ADH7: variants seen among roughly 807,000 people sequenced by gnomAD.
The protein encoded by ADH7 is alcohol dehydrogenase 7 (class IV), mu or sigma polypeptide.
A neutral mutation model predicts 34.4 loss-of-function variants in ADH7; 41 were observed. That is an observed-to-expected ratio of 1.19 (90% CI 0.93 to 1.55). ADH7 has a LOEUF of 1.55. Among genes scored for constraint, ADH7 ranks in the 40% most tolerant of loss-of-function variants. The probability of loss-of-function intolerance (pLI) is 0.00; values close to 1 mark genes in which losing one functional copy is unlikely to be tolerated. For missense variants in ADH7, 540 were observed against 461.2 expected (o/e 1.17, Z -1.56); for synonymous variants, 180 against 160.9 (o/e 1.12, Z -0.90).
intron 8 of ADH7, among the ~76,000 whole-genome samples, chr4:99,414,415 A>G (rs1721473028): frequency 6.6e-6 from 1 of 152,170 alleles, no homozygotes; most frequent in Non-Finnish European, 1.5e-5. Context: ...CTCAATAATT[A>G]TTTATAGGCC....
intron 1 of ADH7, among the ~76,000 whole-genome samples, chr4:99,431,926 A>G (rs1449861908): frequency 6.6e-6 from 1 of 152,206 alleles, no homozygotes; most frequent in Non-Finnish European, 1.5e-5. Flanking sequence ...CAAAGAACAT[A>G]AAACAGGATT....
intron 8 of ADH7, 180 bp downstream of exon 8, chr4:99,415,298 T>C (rs751694651): frequency 5.9e-6 from 4 of 675,388 alleles, no homozygotes; most frequent in Non-Finnish European, 4.9e-6. Context: ...GCAGTTTTTT[T>C]TTTTTATAGT....
At chr4:99,432,436 A>G (rs1413711412) in intron 1 of ADH7, among the ~76,000 whole-genome samples, 1 of 152,106 alleles carries the variant, frequency 6.6e-6, no homozygotes, top group East Asian at 1.9e-4. Flanking sequence ...CCTATGTAGC[A>G]AACCTGCACA....
intron 1 of ADH7, among the ~76,000 whole-genome samples, chr4:99,433,888 T>G (rs1721991664): frequency 2.0e-5 from 3 of 152,168 alleles, no homozygotes; most frequent in Admixed American, 6.6e-5. Flanking sequence ...TATCTTTTAC[T>G]TTTTTAATGA....
chr4:99,412,784 AT>A lies in ADH7; in HGVS notation c.*363del, dbSNP rs1203631844. On this transcript the variant is annotated 3_prime_UTR_variant, in exon 9 of 9. Coordinates refer to ENST00000437033, the MANE Select transcript of ADH7 (RefSeq NM_000673.7). ...AAGTGAATATTACTCTAGGAGATGC[AT>A]TTACTATATCTTTATACGCTATATC... The A allele has an allele frequency of 1.7e-5, 3 of 180,844 alleles. No homozygotes were observed. The highest frequency in any genetic ancestry group is 2.3e-5 in the African/African-American group (1 of 42,566). The allele number at this position is 180,844 out of a possible 1,614,324, so 11.2% of individuals were successfully genotyped here.
At chr4:99,426,848 A>T (rs1325342936) in intron 5 of ADH7, among the ~76,000 whole-genome samples, 1 of 152,218 alleles carries the variant, frequency 6.6e-6, no homozygotes, top group Non-Finnish European at 1.5e-5. Context: ...AGCACATCAA[A>T]AAGCTTATCC....
rs1428668432 is a variant in ADH7, at chr4:99,413,085, G to A, written c.*63C>T. The A allele has an allele frequency of 3.2e-6, 5 of 1,540,682 alleles. No individual in the cohort carries two copies. The highest frequency in any genetic ancestry group is 2.7e-5 in the African/African-American group (2 of 72,920). On this transcript the variant is annotated 3_prime_UTR_variant, in exon 9 of 9. Transcript: ENST00000437033. ...AGACAGATACATGATTTCAGATGAG[G>A]GAACTCTCACAAGAGAAACTCCAGT...
chr4:99,434,275 T>A lies in ADH7; in HGVS notation c.18+941A>T, dbSNP rs181155538. On this transcript the variant is annotated intron_variant, in intron 1 of 8. Transcript: ENST00000437033. Reference sequence around the variant, plus strand: ...ATATCCATGGGTAGAGTTGCTAGTTTCTGTAGTGCAAAATTAACTTCCCAA... The same window carrying A: ...ATATCCATGGGTAGAGTTGCTAGTTACTGTAGTGCAAAATTAACTTCCCAA... Among the ~76,000 whole-genome samples the A allele has an allele frequency of 1.6e-3, 249 of 152,274 alleles. 2 individuals carry two copies. The highest frequency in any genetic ancestry group is 5.8e-3 in the African/African-American group (243 of 41,560).
chr4:99,433,890 T>C (rs1721991735), intron 1 of ADH7, among the ~76,000 whole-genome samples: 1 of 152,290 alleles, frequency 6.6e-6, no homozygotes, highest in African/African-American at 2.4e-5. Flanking sequence ...TCTTTTACTT[T>C]TTTAATGAAA....
chr4:99,427,649 C>A (rs1360788041), intron 5 of ADH7, 124 bp downstream of exon 5: 2 of 613,750 alleles, frequency 3.3e-6, no homozygotes, highest in East Asian at 3.4e-5. Flanking sequence ...TGTTGCTTGG[C>A]AGCCTGAATA....
Position 99,412,792 on chromosome 4 carries a change from T to A in ADH7, c.*356A>T, listed in dbSNP as rs1721436095. The A allele has an allele frequency of 5.3e-6, 1 of 188,468 alleles. No individual in the cohort carries two copies. Among genetic ancestry groups the A allele is most frequent in the African/African-American group, 2.3e-5 (1 of 42,814 alleles). 11.7% of individuals were successfully genotyped at this position (188,468 alleles called of 1,614,324 possible). A position where few individuals can be genotyped will look rare whatever the true frequency, so the allele number is the denominator to read the frequency against. ...ATTACTCTAGGAGATGCATTTACTA[T>A]ATCTTTATACGCTATATCTGTTTTG... On this transcript the variant is annotated 3_prime_UTR_variant, in exon 9 of 9. Transcript: ENST00000437033.
At chr4:99,433,443 A>G (rs1252823595) in intron 1 of ADH7, among the ~76,000 whole-genome samples, 1 of 152,188 alleles carries the variant, frequency 6.6e-6, no homozygotes, top group Non-Finnish European at 1.5e-5. Flanking sequence ...ATGTGATATT[A>G]TGATTGATTT....
At chr4:99,430,953 C>T (rs1296490473) in intron 1 of ADH7, among the ~76,000 whole-genome samples, 6 of 152,160 alleles carry the variant, frequency 3.9e-5, no homozygotes, top group East Asian at 3.9e-4. Flanking sequence ...TGTGCCACCA[C>T]GCCCAGCTAA....
Position 99,435,342 on chromosome 4 carries a change from T to C in ADH7, c.-109A>G, listed in dbSNP as rs1296407358. The C allele has an allele frequency of 6.7e-7, 1 of 1,483,220 alleles. No homozygotes were observed. Among genetic ancestry groups the C allele is most frequent in the Non-Finnish European group, 9.3e-7 (1 of 1,073,706 alleles). 91.9% of individuals were successfully genotyped at this position (1,483,220 alleles called of 1,614,324 possible). On this transcript the variant is annotated 5_prime_UTR_variant, in exon 1 of 9. Transcript: ENST00000437033. ...AGCTTGTGCCTTCACATAGATAGTC[T>C]GGCTTCAGAGTTCCACCTTCAGCAA...
intron 5 of ADH7, among the ~76,000 whole-genome samples, chr4:99,424,995 T>A (rs983400765): frequency 2.0e-5 from 3 of 152,014 alleles, no homozygotes; most frequent in African/African-American, 7.2e-5. Flanking sequence ...CCATTCAGTA[T>A]GACATTGGCT....
In ADH7 at chr4:99,428,635, G is replaced by C. The variant is rs1191466639; in HGVS notation, c.121-5C>G. ...ACAGATTCCTGTGGCCAAAATCTGT[G>C]TTCAAAGACAAAAACATTGCACCAA... On this transcript the variant is annotated splice_region_variant and splice_polypyrimidine_tract_variant and intron_variant, in intron 2 of 8. Transcript: ENST00000437033. 14 of 1,610,102 alleles carry C rather than the reference G, an allele frequency of 8.7e-6. No homozygotes were observed. The highest frequency in any genetic ancestry group is 1.1e-5 in the Non-Finnish European group (13 of 1,178,774).
Position 99,415,596 on chromosome 4 carries a change from C to T in ADH7, c.982G>A (p.Val328Ile). 6.2e-7 allele frequency: 1 copy of T among 1,613,376 alleles called. No individual in the cohort carries two copies. Among genetic ancestry groups the T allele is most frequent in the Admixed American group, 1.7e-5 (1 of 59,996 alleles). ...VFGGLKSRDDVPKLVTEFLAK... is the reference protein window; with the variant it reads ...VFGGLKSRDDIPKLVTEFLAK... ...AGGAACTCAGTCACTAGTTTTGGGA[C>T]ATCATCTCTGCTTTTCAAACCTGCA... The change falls in exon 8 of 9, where the codon GTC (valine) becomes ATC (isoleucine). Residue 328 changes from valine (V) to isoleucine (I), a missense_variant. Physicochemically the swap from Val to Ile is conservative, Grantham distance 29. Transcript: ENST00000437033.
intron 1 of ADH7, 150 bp downstream of exon 1, chr4:99,435,066 T>G: frequency 6.5e-7 from 1 of 1,546,620 alleles, no homozygotes; most frequent in Non-Finnish European, 8.7e-7. Flanking sequence ...CCATATCCAG[T>G]GTTTCCCTCA....
At chr4:99,416,818 C>G (rs547263022) in intron 7 of ADH7, among the ~76,000 whole-genome samples, 1 of 152,270 alleles carries the variant, frequency 6.6e-6, no homozygotes, top group East Asian at 1.9e-4. Context: ...GGTACCTGCA[C>G]AAGTGTAACC....
Sources: gnomAD v4.1 joint callset for allele counts (sites outside exome capture counted in the v4.1 genomes callset) on GRCh38, gnomAD v4.1.1 for gene constraint, MANE v1.5 for transcripts, NCBI Gene and HGNC (gene_info 2026-07-23, HGNC 2026-07-21) for gene names.